Variants in GSAP observed in about 807,000 individuals in gnomAD.
GSAP encodes gamma-secretase-activating protein.
A neutral mutation model predicts 131.7 loss-of-function variants in GSAP; 118 were observed. The ratio of observed to expected loss-of-function variants is 0.90; its 90% confidence interval spans 0.77 to 1.04. The LOEUF (loss-of-function observed/expected upper bound fraction) is 1.04, where lower values mean the gene tolerates loss of function less well. Ranked by LOEUF, GSAP falls within the 50% of genes least tolerant of loss-of-function variation. GSAP has a pLI of 0.00. For synonymous variants in GSAP, 381 were observed against 363.4 expected (o/e 1.05, Z -0.55); for missense variants, 1,019 against 1,013.2 (o/e 1.01, Z -0.08).
At chr7:77,324,427 C>T (rs535007146) in intron 23 of GSAP, among the ~76,000 whole-genome samples, 51 of 152,304 alleles carry the variant, frequency 3.3e-4, no homozygotes, top group African/African-American at 1.2e-3. Context: ...CCAGACAACA[C>T]GCTCAGCAAG....
chr7:77,355,246 G>A lies in GSAP; in HGVS notation c.1305C>T (p.Tyr435=), dbSNP rs1480709974. 2.5e-6 allele frequency: 4 copies of A among 1,613,826 alleles called. No individual in the cohort carries two copies. The highest frequency in any genetic ancestry group is 3.4e-6 in the Non-Finnish European group (4 of 1,179,732). Residue 435 remains tyrosine, a synonymous_variant, in exon 16 of 31, where the codon TAC becomes TAT. Coordinates refer to ENST00000257626, the MANE Select transcript of GSAP (RefSeq NM_017439.4). Reference sequence around the variant, plus strand: ...CCAGGAACTGCGCACCTTGACCGCAGTAGAGCGCGCAGTGCAACGCAGCCA... The same window carrying A: ...CCAGGAACTGCGCACCTTGACCGCAATAGAGCGCGCAGTGCAACGCAGCCA... ...EKMAALHCAL[Y]CGQGAQFLEA...
chr7:77,398,849 T>C (rs192148553), intron 3 of GSAP, among the ~76,000 whole-genome samples: 139 of 152,360 alleles, frequency 9.1e-4, no homozygotes, highest in African/African-American at 3.2e-3. Flanking sequence ...AGCATGTTTA[T>C]AAATTTTCTA....
intron 18 of GSAP, among the ~76,000 whole-genome samples, chr7:77,352,452 G>A (rs778078169): frequency 2.0e-5 from 3 of 152,148 alleles, no homozygotes; most frequent in South Asian, 4.1e-4. Flanking sequence ...AGTCAGAACC[G>A]ACAGGGAGAA....
chr7:77,394,757 A>C (rs1250956282), intron 5 of GSAP, among the ~76,000 whole-genome samples: 2 of 152,204 alleles, frequency 1.3e-5, no homozygotes, highest in Non-Finnish European at 1.5e-5. Context: ...GCTCCTTGCC[A>C]CCATTGGTCA....
intron 14 of GSAP, among the ~76,000 whole-genome samples, chr7:77,358,971 G>C (rs1463820538): frequency 6.6e-6 from 1 of 152,180 alleles, no homozygotes. Context: ...TGGATCACGA[G>C]GTCAGGAGTT....
In GSAP at chr7:77,371,937, A is replaced by G. The variant is rs117541463; in HGVS notation, c.871+2133T>C. Among the ~76,000 whole-genome samples, 11 of 152,356 alleles carry G rather than the reference A, an allele frequency of 7.2e-5. No homozygotes were observed. In the East Asian group the frequency reaches 1.9e-3, roughly 27 times the overall value. On this transcript the variant is annotated intron_variant, in intron 12 of 30. Coordinates refer to ENST00000257626, the MANE Select transcript of GSAP (RefSeq NM_017439.4). ...TTCAGAGGTTAAAATGTGCCCTCAT[A>G]AGGGAGACATACAGTAGTTACCACT...
rs1584593736 is a variant in GSAP at position 77,377,298 on chromosome 7, G to T, written c.669C>A (p.Tyr223Ter). 1 of 1,421,840 alleles carries T rather than the reference G, an allele frequency of 7.0e-7. No homozygotes were observed. 88.1% of individuals were successfully genotyped at this position (1,421,840 alleles called of 1,614,324 possible). The change falls in exon 9 of 31, where the codon TAC (tyrosine) becomes TAA (stop). Residue 223 changes from tyrosine to a stop codon, truncating the protein, a stop_gained. Transcript: ENST00000257626. LOFTEE classifies it high-confidence loss of function. ...QWDMSEQRLY[Y>*]IDLKKSRSIL... ...CTAGTTTTTTTACCTTCAGGTCAAT[G>T]TAATATAATCTCTGTTCTGACATAT...
intron 12 of GSAP, among the ~76,000 whole-genome samples, chr7:77,370,408 C>G (rs891208665): frequency 2.0e-5 from 3 of 152,146 alleles, no homozygotes; most frequent in African/African-American, 7.2e-5. Flanking sequence ...TTGCAGTGAG[C>G]TGAGAGAGTT....
rs1012827274 is a variant in GSAP at position 77,314,790 on chromosome 7, A to G, written c.2090-301T>C. 2.1e-4 allele frequency: 50 copies of G among 238,310 alleles called. 1 individual carries two copies. Among genetic ancestry groups the G allele is most frequent in the Non-Finnish European group, 3.4e-5 (4 of 119,308 alleles). 14.8% of individuals were successfully genotyped at this position (238,310 alleles called of 1,614,324 possible). A position where few individuals can be genotyped will look rare whatever the true frequency, so the allele number is the denominator to read the frequency against. Reference sequence around the variant, plus strand: ...CGGTTTGATATGTTTGTGATTCTACAGTAAGATAGCAAAAGAGTACAGAAG... The same window carrying G: ...CGGTTTGATATGTTTGTGATTCTACGGTAAGATAGCAAAAGAGTACAGAAG... On this transcript the variant is annotated intron_variant, in intron 26 of 30. Coordinates refer to ENST00000257626, the MANE Select transcript of GSAP (RefSeq NM_017439.4).
At chr7:77,321,896 T>C (rs557750705) in intron 24 of GSAP, among the ~76,000 whole-genome samples, 3 of 152,300 alleles carry the variant, frequency 2.0e-5, no homozygotes, top group African/African-American at 7.2e-5. Context: ...CAAATTGCAG[T>C]GTCCTCATCT....
At chr7:77,344,254 C>T (rs889713464) in intron 19 of GSAP, among the ~76,000 whole-genome samples, 1 of 152,132 alleles carries the variant, frequency 6.6e-6, no homozygotes, top group Non-Finnish European at 1.5e-5. Flanking sequence ...TTCAGTGGAA[C>T]CTTCAGGCCC....
chr7:77,413,646 G>T (rs988345599), intron 1 of GSAP, among the ~76,000 whole-genome samples: 1 of 152,142 alleles, frequency 6.6e-6, no homozygotes, highest in African/African-American at 2.4e-5. Flanking sequence ...TCACAGGCAA[G>T]CAAAATGAAA....
chr7:77,313,561 T>G lies in GSAP; in HGVS notation c.2210-12A>C. The G allele has an allele frequency of 7.5e-7, 1 of 1,340,616 alleles. No homozygotes were observed. The highest frequency in any genetic ancestry group is 1.1e-6 in the Non-Finnish European group (1 of 940,060). 83.0% of individuals were successfully genotyped at this position (1,340,616 alleles called of 1,614,324 possible). A position where few individuals can be genotyped will look rare whatever the true frequency, so the allele number is the denominator to read the frequency against. Reference sequence around the variant, plus strand: ...TGTATTATCCAGATCTACAAGAAAGTTAGAGATTAGCAAATGAAACAAATA... The same window carrying G: ...TGTATTATCCAGATCTACAAGAAAGGTAGAGATTAGCAAATGAAACAAATA... On this transcript the variant is annotated splice_polypyrimidine_tract_variant and intron_variant, in intron 27 of 30. Coordinates refer to ENST00000257626, the MANE Select transcript of GSAP (RefSeq NM_017439.4).
At chr7:77,392,072 A>C (rs1157189498) in intron 5 of GSAP, among the ~76,000 whole-genome samples, 1 of 151,952 alleles carries the variant, frequency 6.6e-6, no homozygotes, top group Non-Finnish European at 1.5e-5. Flanking sequence ...TAAAAATACA[A>C]AAATTAGCCG....
chr7:77,334,685 A>G (rs1343686608), intron 19 of GSAP, among the ~76,000 whole-genome samples: 2 of 152,010 alleles, frequency 1.3e-5, no homozygotes, highest in Non-Finnish European at 2.9e-5. Context: ...CTCATCAGGA[A>G]CAACAGCACC....
At position 77,390,946 on chromosome 7, in the gene GSAP, TAAAAAAA is replaced by T. The variant is rs71085453; in HGVS notation, c.368-3505_368-3499del. ...CCTGGTGACAGAGCGAGACTCCGTC[TAAAAAAA>T]AAAAAAAAAAAAAAAAAAAAAAAAA... On this transcript the variant is annotated intron_variant, in intron 5 of 30. Coordinates refer to ENST00000257626, the MANE Select transcript of GSAP (RefSeq NM_017439.4). 2.7e-3 allele frequency among the ~76,000 whole-genome samples: 102 copies of T among 37,930 alleles called. 5 individuals are homozygous for T. Among genetic ancestry groups the T allele is most frequent in the South Asian group, 0.019 (35 of 1,884 alleles). The allele number at this position is 37,930 out of a possible 152,430, so 24.9% of individuals were successfully genotyped here. A position where few individuals can be genotyped will look rare whatever the true frequency, so the allele number is the denominator to read the frequency against.
intron 5 of GSAP, among the ~76,000 whole-genome samples, chr7:77,393,899 C>T (rs1799964976): frequency 6.6e-6 from 1 of 152,098 alleles, no homozygotes; most frequent in African/African-American, 2.4e-5. Flanking sequence ...GTCTCAAACT[C>T]CTGACCTCAG....
chr7:77,405,227 G>C (rs1289756290), intron 2 of GSAP, among the ~76,000 whole-genome samples: 1 of 152,240 alleles, frequency 6.6e-6, no homozygotes, highest in Non-Finnish European at 1.5e-5. Flanking sequence ...TTGAGCCCAT[G>C]AGTTTGAGGC....
chr7:77,320,167 G>C lies in GSAP; in HGVS notation c.2089+558C>G, dbSNP rs564244528. 2.6e-5 allele frequency among the ~76,000 whole-genome samples: 4 copies of C among 152,194 alleles called. No homozygotes were observed. The East Asian group carries it at 7.7e-4, about 29-fold the overall frequency. On this transcript the variant is annotated intron_variant, in intron 26 of 30. Coordinates refer to ENST00000257626, the MANE Select transcript of GSAP (RefSeq NM_017439.4). Reference sequence around the variant, plus strand: ...TAGACTCTTACTAATCTTTGTAATTGCTCTAATTTCTAGCACGTTACCGGT... The same window carrying C: ...TAGACTCTTACTAATCTTTGTAATTCCTCTAATTTCTAGCACGTTACCGGT...
Sources: gnomAD v4.1 joint callset for allele counts (sites outside exome capture counted in the v4.1 genomes callset) on GRCh38, gnomAD v4.1.1 for gene constraint, MANE v1.5 for transcripts, NCBI Gene and HGNC (gene_info 2026-07-23, HGNC 2026-07-21) for gene names.